RBFOX1: variants seen among roughly 807,000 people sequenced by gnomAD.
RBFOX1 encodes RNA binding fox-1 homolog 1, also known as RNA binding protein fox-1 homolog 1.
Under a neutral mutation model 57.7 loss-of-function variants are expected in RBFOX1, and 8 were observed. The observed-to-expected ratio is 0.14, with a 90% CI of 0.08 to 0.25. RBFOX1 has a LOEUF of 0.25. Among genes scored for constraint, RBFOX1 ranks in the 10% least tolerant of loss-of-function variants. The probability of loss-of-function intolerance (pLI) is 1.00; values close to 1 mark genes in which losing one functional copy is unlikely to be tolerated. For synonymous variants in RBFOX1, 326 were observed against 222.4 expected, an observed-to-expected ratio of 1.47 and a Z score of -4.15; for missense variants, 611 against 548.5, an observed-to-expected ratio of 1.11 and a Z score of -1.14.
intron 4 of RBFOX1, among the ~76,000 whole-genome samples, chr16:7,377,869 T>C (rs551292957): frequency 6.6e-6 from 1 of 152,176 alleles, no homozygotes; most frequent in East Asian, 1.9e-4. Context: ...GGTGATGAAA[T>C]AGCAAATAGG....
At chr16:6,693,648 C>T (rs770216838) in intron 3 of RBFOX1, among the ~76,000 whole-genome samples, 17 of 151,116 alleles carry the variant, frequency 1.1e-4, no homozygotes, top group Non-Finnish European at 2.2e-4. Flanking sequence ...ATCACCACCA[C>T]AATCATCATC....
intron 3 of RBFOX1, among the ~76,000 whole-genome samples, chr16:5,611,791 CATCCA>C (rs1258865765): frequency 7.4e-6 from 1 of 135,608 alleles, no homozygotes; most frequent in African/African-American, 2.8e-5. Context: ...TCCATCCATC[CATCCA>C]CCCACCCACC....
At chr16:6,923,770 A>C (rs1236568221) in intron 3 of RBFOX1, among the ~76,000 whole-genome samples, 1 of 152,158 alleles carries the variant, frequency 6.6e-6, no homozygotes, top group African/African-American at 2.4e-5. Flanking sequence ...ATTAATAGTT[A>C]GTCTATTTTG....
intron 4 of RBFOX1, among the ~76,000 whole-genome samples, chr16:5,916,602 G>T (rs1013974375): frequency 1.3e-5 from 2 of 152,024 alleles, no homozygotes; most frequent in African/African-American, 4.8e-5. Flanking sequence ...CCCAGCTTTG[G>T]AACTAATTTC....
intron 1 of RBFOX1, among the ~76,000 whole-genome samples, chr16:6,228,676 G>C (rs1033188373): frequency 9.2e-5 from 14 of 152,138 alleles, no homozygotes; most frequent in African/African-American, 3.1e-4. Flanking sequence ...GGGGAGAGTT[G>C]TTGGTCGGGT....
chr16:7,389,030 C>T (rs1362416412), intron 4 of RBFOX1, among the ~76,000 whole-genome samples: 2 of 152,124 alleles, frequency 1.3e-5, no homozygotes, highest in Non-Finnish European at 1.5e-5. Flanking sequence ...CTTTGGAGAG[C>T]CTGAATGAAT....
intron 3 of RBFOX1, among the ~76,000 whole-genome samples, chr16:7,023,408 C>T (rs561436191): frequency 6.7e-5 from 10 of 150,044 alleles, no homozygotes; most frequent in African/African-American, 1.2e-4. Flanking sequence ...TGCAGTGAGC[C>T]GAGATCATGT....
Position 5,819,876 on chromosome 16 carries a change from C to T in RBFOX1, c.319-47427C>T, listed in dbSNP as rs189313761. ...AGGAGCTAGCTTTGTACCTCAAGTG[C>T]CCTGTCACTTTTTCATTCATCACTC... On this transcript the variant is annotated intron_variant, in intron 3 of 19. Coordinates refer to the RBFOX1 transcript ENST00000641259. Among the ~76,000 whole-genome samples the T allele has an allele frequency of 1.9e-3, 292 of 152,338 alleles. 3 individuals are homozygous for T. Among genetic ancestry groups the T allele is most frequent in the South Asian group, 0.013 (61 of 4,826 alleles).
intron 4 of RBFOX1, among the ~76,000 whole-genome samples, chr16:5,897,735 C>G (rs1321258272): frequency 2.0e-5 from 3 of 152,090 alleles, no homozygotes; most frequent in African/African-American, 7.2e-5. Flanking sequence ...CTGGTGTCTC[C>G]CCAGCATTTT....
At chr16:5,278,203 A>G (rs576759526) in intron 1 of RBFOX1, among the ~76,000 whole-genome samples, 2 of 152,284 alleles carry the variant, frequency 1.3e-5, no homozygotes, top group Admixed American at 1.3e-4. Flanking sequence ...CCATTCTAAC[A>G]AGTGTGAGAT....
At chr16:6,717,730 C>T (rs1352429792) in intron 3 of RBFOX1, among the ~76,000 whole-genome samples, 1 of 152,078 alleles carries the variant, frequency 6.6e-6, no homozygotes. Flanking sequence ...ATTGATAATG[C>T]TGCTGTACCA....
At chr16:6,719,457 T>C (rs1173339846) in intron 3 of RBFOX1, among the ~76,000 whole-genome samples, 1 of 149,442 alleles carries the variant, frequency 6.7e-6, no homozygotes, top group African/African-American at 2.5e-5. Context: ...TTTTTTTTTT[T>C]TGAGACAGAG....
chr16:7,224,210 A>C (rs1388869411), intron 4 of RBFOX1, among the ~76,000 whole-genome samples: 1 of 149,252 alleles, frequency 6.7e-6, no homozygotes, highest in Admixed American at 6.7e-5. Flanking sequence ...TAATGGGAAG[A>C]GTTCCATGAT....
At chr16:6,255,729 C>A (rs1365999065) in intron 1 of RBFOX1, among the ~76,000 whole-genome samples, 1 of 152,006 alleles carries the variant, frequency 6.6e-6, no homozygotes. Flanking sequence ...AGAATGAGTT[C>A]ATGTCCTTTG....
chr16:5,861,478 G>T (rs1044462772), intron 3 of RBFOX1, among the ~76,000 whole-genome samples: 2 of 152,192 alleles, frequency 1.3e-5, no homozygotes, highest in Non-Finnish European at 2.9e-5. Context: ...CTGATTTTCT[G>T]AATATTCACG....
chr16:6,938,187 A>T lies in RBFOX1; in HGVS notation c.-15-113870A>T, dbSNP rs926411687. Among the ~76,000 whole-genome samples, 3 of 152,206 alleles carry T rather than the reference A, an allele frequency of 2.0e-5. 1 individual carries two copies. Among genetic ancestry groups the T allele is most frequent in the Non-Finnish European group, 4.4e-5 (3 of 68,034 alleles). ...AACAAATTTCTGGATTTACTTTCCTAGTGTAGAATATAATCTGTCATTGTC... is the reference window on the plus strand; with the variant it reads ...AACAAATTTCTGGATTTACTTTCCTTGTGTAGAATATAATCTGTCATTGTC... On this transcript the variant is annotated intron_variant, in intron 3 of 15. Coordinates refer to ENST00000550418, the MANE Select transcript of RBFOX1 (RefSeq NM_018723.4).
chr16:7,216,213 G>A (rs918302473), intron 4 of RBFOX1, among the ~76,000 whole-genome samples: 8 of 152,230 alleles, frequency 5.3e-5, no homozygotes, highest in African/African-American at 1.7e-4. Flanking sequence ...TCCACTTATT[G>A]GCTATTGTGA....
intron 1 of RBFOX1, among the ~76,000 whole-genome samples, chr16:5,457,490 G>C (rs2068665323): frequency 6.6e-6 from 1 of 152,110 alleles, no homozygotes; most frequent in South Asian, 2.1e-4. Context: ...CCACTTTCAT[G>C]AGCTGATCAC....
intron 1 of RBFOX1, among the ~76,000 whole-genome samples, chr16:5,458,902 A>G (rs146105000): frequency 4.6e-5 from 7 of 152,204 alleles, no homozygotes; most frequent in African/African-American, 7.2e-5. Context: ...CTGCTAATGG[A>G]TCTCATAGTC....
Sources: gnomAD v4.1 joint callset for allele counts (sites outside exome capture counted in the v4.1 genomes callset) on GRCh38, gnomAD v4.1.1 for gene constraint, MANE v1.5 for transcripts, NCBI Gene and HGNC (gene_info 2026-07-23, HGNC 2026-07-21) for gene names.